Variants in SH2D4B observed in about 807,000 individuals in gnomAD.
The protein encoded by SH2D4B is SH2 domain containing 4B, also known as SH2 domain-containing protein 4B.
A neutral mutation model predicts 61.5 loss-of-function variants in SH2D4B; 45 were observed. That is an observed-to-expected ratio of 0.73 (90% CI 0.58 to 0.94). The LOEUF is 0.94. Among genes scored for constraint, SH2D4B ranks in the 40% least tolerant of loss-of-function variants. The probability of loss-of-function intolerance (pLI) is 0.00; values close to 1 mark genes in which losing one functional copy is unlikely to be tolerated. For synonymous variants in SH2D4B, 224 were observed against 220.4 expected, an observed-to-expected ratio of 1.02 and a Z score of -0.14; for missense variants, 572 against 574.2, an observed-to-expected ratio of 1.00 and a Z score of 0.04.
intron 7 of SH2D4B, among the ~76,000 whole-genome samples, chr10:80,636,640 GGATT>G (rs1840175013): frequency 6.6e-6 from 1 of 151,670 alleles, no homozygotes; most frequent in Non-Finnish European, 1.5e-5. Flanking sequence ...ATTTTTGATG[GGATT>G]GTTTGTTTTT....
chr10:80,562,964 G>C (rs1481471094), intron 1 of SH2D4B, among the ~76,000 whole-genome samples: 1 of 147,042 alleles, frequency 6.8e-6, no homozygotes, highest in Non-Finnish European at 1.5e-5. Context: ...TGCAGTGGCG[G>C]GATCTCGGCT....
intron 1 of SH2D4B, among the ~76,000 whole-genome samples, chr10:80,545,330 TCTC>T (rs1332582356): frequency 1.3e-5 from 2 of 151,752 alleles, no homozygotes; most frequent in South Asian, 2.1e-4. Flanking sequence ...TCCTCTTTCT[TCTC>T]CTTCTCTCTC....
intron 1 of SH2D4B, among the ~76,000 whole-genome samples, chr10:80,541,591 C>T (rs1429905171): frequency 2.0e-5 from 3 of 152,304 alleles, no homozygotes; most frequent in Non-Finnish European, 2.9e-5. Context: ...TTCCCTCTCC[C>T]CTCTTTTCTG....
intron 4 of SH2D4B, among the ~76,000 whole-genome samples, chr10:80,595,028 A>C (rs201187426): frequency 0.12 from 18,173 of 152,188 alleles, 1,229 homozygotes; most frequent in East Asian, 0.25. Flanking sequence ...CAGCGTCTAA[A>C]AAAAAAATTA....
In SH2D4B at chr10:80,588,793, G is replaced by C; in HGVS notation, c.643+16G>C. 1 of 1,613,450 alleles carries C rather than the reference G, an allele frequency of 6.2e-7. No individual in the cohort carries two copies. The highest frequency in any genetic ancestry group is 8.5e-7 in the Non-Finnish European group (1 of 1,179,908). On this transcript the variant is annotated intron_variant, in intron 4 of 7. Transcript: ENST00000646907. ...GAAGAACAGTGTGAGTAGAGCTTGTGCCTCAGGCAGGGAGACCAGTCCCGC... is the reference window on the plus strand; with the variant it reads ...GAAGAACAGTGTGAGTAGAGCTTGTCCCTCAGGCAGGGAGACCAGTCCCGC...
intron 4 of SH2D4B, among the ~76,000 whole-genome samples, chr10:80,597,344 G>T (rs1194785698): frequency 6.6e-6 from 1 of 152,126 alleles, no homozygotes; most frequent in African/African-American, 2.4e-5. Context: ...AGTTCAATAG[G>T]TAGGTGTGCC....
At chr10:80,638,622 C>T (rs143752221) in intron 7 of SH2D4B, among the ~76,000 whole-genome samples, 26,588 of 152,078 alleles carry the variant, frequency 0.17, 2,820 homozygotes, top group Admixed American at 0.28. Flanking sequence ...TCTGTTGGAT[C>T]GGTGGTGATA....
chr10:80,571,529 AC>A lies in SH2D4B; in HGVS notation c.448del (p.Arg150AlafsTer45), dbSNP rs1253602186. On this transcript the variant is annotated frameshift_variant, in exon 3 of 8. Transcript: ENST00000646907. LOFTEE classifies it high-confidence loss of function. ...LAEKWKVEME[D>X]RKAAKVLEER... The stretch of plus-strand genomic sequence containing the variant: ...GAGAAGTGGAAAGTGGAGATGGAAG[AC>A]CGCAAGGCTGCCAAAGTCCTGGAGG... 2.5e-6 allele frequency: 4 copies of A among 1,613,936 alleles called. No homozygotes were observed. In the African/African-American group the frequency reaches 5.3e-5, roughly 22 times the overall value.
At position 80,644,298 on chromosome 10, in the gene SH2D4B, C is replaced by T. The variant is rs972336320; in HGVS notation, c.*213C>T. ...CAGAAATTGCTAATAGCTCATGCAA[C>T]TCTTTCATGAAGAGCTTAGCTATGA... On this transcript the variant is annotated 3_prime_UTR_variant, in exon 8 of 8. Transcript: ENST00000646907. 3.4e-5 allele frequency: 18 copies of T among 533,820 alleles called. No individual in the cohort carries two copies. Among genetic ancestry groups the T allele is most frequent in the Non-Finnish European group, 5.3e-5 (16 of 300,876 alleles). The allele number at this position is 533,820 out of a possible 1,614,324, so 33.1% of individuals were successfully genotyped here. A position where few individuals can be genotyped will look rare whatever the true frequency, so the allele number is the denominator to read the frequency against.
intron 1 of SH2D4B, among the ~76,000 whole-genome samples, chr10:80,559,345 A>G (rs1165842459): frequency 1.3e-5 from 2 of 152,180 alleles, no homozygotes; most frequent in Non-Finnish European, 2.9e-5. Context: ...GTAGAAAATA[A>G]TATTATAAAT....
At chr10:80,551,112 GC>G (rs1374132016) in intron 1 of SH2D4B, among the ~76,000 whole-genome samples, 2 of 152,100 alleles carry the variant, frequency 1.3e-5, no homozygotes. Flanking sequence ...GAGTGTAGTG[GC>G]GCGATTTCGG....
chr10:80,605,537 C>T (rs1474131648), intron 5 of SH2D4B, among the ~76,000 whole-genome samples: 2 of 152,052 alleles, frequency 1.3e-5, no homozygotes, highest in Non-Finnish European at 1.5e-5. Flanking sequence ...TGTTTTGAGA[C>T]GGAGTCTCAC....
intron 5 of SH2D4B, 92 bp from the exon 6 acceptor site, chr10:80,609,332 T>C: frequency 4.8e-6 from 5 of 1,035,210 alleles, no homozygotes; most frequent in South Asian, 3.3e-5. Flanking sequence ...TACCTTCCTC[T>C]CCCTTCCTCT....
intron 1 of SH2D4B, among the ~76,000 whole-genome samples, chr10:80,546,525 T>A (rs1336366336): frequency 8.6e-6 from 1 of 116,954 alleles, no homozygotes; most frequent in Non-Finnish European, 1.7e-5. Flanking sequence ...TAGCATACGG[T>A]ATTTTTTTTT....
chr10:80,592,028 T>C (rs1040651065), intron 4 of SH2D4B, among the ~76,000 whole-genome samples: 1 of 152,220 alleles, frequency 6.6e-6, no homozygotes, highest in African/African-American at 2.4e-5. Context: ...ATCTAATTCC[T>C]TGACGTCCTT....
In SH2D4B at chr10:80,598,248, C is replaced by A. The variant is rs377457514; in HGVS notation, c.644-5331C>A. ...GAGAGAGAGGAAGTAACAGTGCTTTCTAAGTTGTAAAGGTCTGTGTTCATG... is the reference window on the plus strand; with the variant it reads ...GAGAGAGAGGAAGTAACAGTGCTTTATAAGTTGTAAAGGTCTGTGTTCATG... On this transcript the variant is annotated intron_variant, in intron 4 of 7. Coordinates refer to ENST00000646907, the MANE Select transcript of SH2D4B (RefSeq NM_001388272.1). Among the ~76,000 whole-genome samples the A allele has an allele frequency of 7.6e-4, 116 of 152,264 alleles. 1 individual carries two copies. Among genetic ancestry groups the A allele is most frequent in the African/African-American group, 2.7e-3 (114 of 41,546 alleles).
intron 1 of SH2D4B, among the ~76,000 whole-genome samples, chr10:80,542,966 C>T (rs1450891656): frequency 6.6e-6 from 1 of 152,142 alleles, no homozygotes; most frequent in Non-Finnish European, 1.5e-5. Flanking sequence ...GGGTTCCAGC[C>T]TCTACTGCCT....
At chr10:80,559,985 C>CTTTTTTTT (rs144516423) in intron 1 of SH2D4B, among the ~76,000 whole-genome samples, 1 of 124,600 alleles carries the variant, frequency 8.0e-6, no homozygotes, top group African/African-American at 3.3e-5. Flanking sequence ...TAAAATACAC[C>CTTTTTTTT]TTTTTTTTTT....
rs1225521578 is a variant in SH2D4B, at chr10:80,570,701, ACT to A, written c.347+386_347+387del. ...AATTGACTTATAGATCCAAAATGCT[ACT>A]TAAGATTACTATATGGTACAGGTAT... On this transcript the variant is annotated intron_variant, in intron 2 of 7. Transcript: ENST00000646907. Among the ~76,000 whole-genome samples the A allele has an allele frequency of 5.3e-5, 8 of 152,316 alleles. No homozygotes were observed. The East Asian group carries it at 1.5e-3, about 29-fold the overall frequency.
Sources: allele counts gnomAD v4.1 joint callset (sites outside exome capture counted in the v4.1 genomes callset), GRCh38; gene constraint gnomAD v4.1.1; transcripts MANE v1.5; gene names NCBI Gene and HGNC (gene_info 2026-07-23, HGNC 2026-07-21).